Variants in SPTBN1 observed in about 807,000 individuals in gnomAD.
SPTBN1 encodes the protein spectrin beta chain, non-erythrocytic 1.
A neutral mutation model predicts 266.4 loss-of-function variants in SPTBN1; 32 were observed. That is an observed-to-expected ratio of 0.12 (90% CI 0.09 to 0.16). The LOEUF is 0.16. Among genes scored for constraint, SPTBN1 ranks in the 10% least tolerant of loss-of-function variants. The probability of loss-of-function intolerance (pLI) is 1.00; values close to 1 mark genes in which losing one functional copy is unlikely to be tolerated. For missense variants in SPTBN1, 2,296 were observed against 3,067.1 expected (o/e 0.75, Z 5.94); for synonymous variants, 1,336 against 1,162.2 (o/e 1.15, Z -3.04).
In SPTBN1 at chr2:54,499,221, AT is replaced by A. The variant is rs752850723; in HGVS notation, c.-47-27148del. On this transcript the variant is annotated intron_variant, in intron 1 of 35. Coordinates refer to ENST00000356805, the MANE Select transcript of SPTBN1 (RefSeq NM_003128.3). ...GTGGCAATATTAGTAGTTTTTTTGT[AT>A]TTGTTTTAATTTTTTTCTCCTTATT... 2.6e-5 allele frequency among the ~76,000 whole-genome samples: 4 copies of A among 152,156 alleles called. No homozygotes were observed. The South Asian group carries it at 6.2e-4, about 24-fold the overall frequency.
At chr2:54,481,739 G>C (rs1470707611) in intron 1 of SPTBN1, among the ~76,000 whole-genome samples, 2 of 152,136 alleles carry the variant, frequency 1.3e-5, no homozygotes, top group Non-Finnish European at 2.9e-5. Flanking sequence ...TTACTGTTAG[G>C]CGCAGAGAGT....
chr2:54,605,165 C>G (rs373262203), intron 3 of SPTBN1, among the ~76,000 whole-genome samples: 49 of 152,262 alleles, frequency 3.2e-4, no homozygotes, highest in African/African-American at 1.1e-3. Flanking sequence ...GTGTTTAATT[C>G]TCTATTGTTA....
chr2:54,512,568 A>C (rs1047442872), intron 1 of SPTBN1, among the ~76,000 whole-genome samples: 7 of 152,242 alleles, frequency 4.6e-5, no homozygotes, highest in Admixed American at 4.6e-4. Context: ...GTTAAAAGGC[A>C]AATGCTGGTG....
chr2:54,527,307 A>C (rs1670875946), intron 2 of SPTBN1: 1 of 152,262 alleles, frequency 6.6e-6, no homozygotes, highest in Non-Finnish European at 1.5e-5. Context: ...ATGAAATTTC[A>C]GATGAAGTTT....
rs1388952970 is a variant in SPTBN1 at position 54,644,540 on chromosome 2, A to G, written c.4223A>G (p.Tyr1408Cys). ...GLESQIQSDDYGKDLTSVNIL... is the reference protein window; with the variant it reads ...GLESQIQSDDCGKDLTSVNIL... ...GAGAGTCAGATTCAGTCTGATGACTATGGCAAAGACCTGACCAGTGTCAAT... is the reference window on the plus strand; with the variant it reads ...GAGAGTCAGATTCAGTCTGATGACTGTGGCAAAGACCTGACCAGTGTCAAT... Residue 1408 changes from tyrosine (Y) to cysteine (C), a missense_variant, in exon 20 of 36, where the codon TAT becomes TGT. By Grantham distance (194) the Tyr-to-Cys change is radical. Around this residue, in one of 12 missense-constraint regions of SPTBN1, gnomAD observed 386 missense variants for 486.1 expected, o/e 0.79. Transcript: ENST00000356805. 4.3e-6 allele frequency: 7 copies of G among 1,613,724 alleles called. No homozygotes were observed. The highest frequency in any genetic ancestry group is 1.3e-5 in the African/African-American group (1 of 74,938).
intron 1 of SPTBN1, among the ~76,000 whole-genome samples, chr2:54,501,406 G>C (rs1173727175): frequency 6.6e-6 from 1 of 152,140 alleles, no homozygotes; most frequent in Non-Finnish European, 1.5e-5. Flanking sequence ...TTCTTGAATA[G>C]CTGGTCACTT....
chr2:54,555,756 T>G (rs1672829759), intron 2 of SPTBN1, among the ~76,000 whole-genome samples: 1 of 152,212 alleles, frequency 6.6e-6, no homozygotes, highest in Non-Finnish European at 1.5e-5. Flanking sequence ...CAGCACTTGC[T>G]GGTGCTGTTT....
At chr2:54,615,392 T>G (rs576733994) in intron 4 of SPTBN1, among the ~76,000 whole-genome samples, 1 of 152,328 alleles carries the variant, frequency 6.6e-6, no homozygotes, top group Non-Finnish European at 1.5e-5. Context: ...ATTCCACATT[T>G]TACTCTACAA....
intron 2 of SPTBN1, chr2:54,557,661 T>C (rs1672964815): frequency 1.1e-6 from 1 of 944,986 alleles, no homozygotes; most frequent in Non-Finnish European, 1.3e-6. Flanking sequence ...ATCTCGGCGG[T>C]GTTTACCTGT....
intron 34 of SPTBN1, 55 bp from the exon 35 acceptor site, chr2:54,667,549 G>T: frequency 6.4e-7 from 1 of 1,554,314 alleles, no homozygotes; most frequent in Non-Finnish European, 8.9e-7. Context: ...GGAGTTGGGG[G>T]ATTTTTATTT....
Position 54,533,794 on chromosome 2 carries a change from G to A in SPTBN1, c.148+7228G>A, listed in dbSNP as rs953002505. On this transcript the variant is annotated intron_variant, in intron 2 of 35. Coordinates refer to ENST00000356805, the MANE Select transcript of SPTBN1 (RefSeq NM_003128.3). This position sits in a 1 kb window ranked among gnomAD's most constrained non-coding sequence, Gnocchi z 4.2. ...TCGAACTCCTGACCCCAGGTGATCCGCCCGCCTTGGCCTCCCAAAGTGCTG... is the reference window on the plus strand; with the variant it reads ...TCGAACTCCTGACCCCAGGTGATCCACCCGCCTTGGCCTCCCAAAGTGCTG... 6.6e-6 allele frequency among the ~76,000 whole-genome samples: 1 copy of A among 152,066 alleles called. No individual in the cohort carries two copies. Among genetic ancestry groups the A allele is most frequent in the African/African-American group, 2.4e-5 (1 of 41,398 alleles).
chr2:54,580,873 T>C (rs2104570282), intron 2 of SPTBN1, among the ~76,000 whole-genome samples: 1 of 152,186 alleles, frequency 6.6e-6, no homozygotes, highest in East Asian at 1.9e-4. Context: ...TGAGGCGGAC[T>C]GATCACTTGA....
chr2:54,642,919 T>A, intron 18 of SPTBN1, 64 bp from the exon 19 acceptor site: 1 of 1,573,288 alleles, frequency 6.4e-7, no homozygotes, highest in East Asian at 2.3e-5. Context: ...CACAACCCTT[T>A]CCAGGCGGAA....
chr2:54,485,759 C>T (rs1264929489), intron 1 of SPTBN1, among the ~76,000 whole-genome samples: 6 of 151,530 alleles, frequency 4.0e-5, no homozygotes, highest in Admixed American at 1.3e-4. Flanking sequence ...CGCCTCTTCC[C>T]GGCCGCCATC....
intron 1 of SPTBN1, among the ~76,000 whole-genome samples, chr2:54,482,274 G>A (rs1436839943): frequency 6.6e-6 from 1 of 151,974 alleles, no homozygotes; most frequent in Non-Finnish European, 1.5e-5. Context: ...CATTGCTTTG[G>A]GAGGCTGAGG....
chr2:54,488,120 C>T (rs973694413), intron 1 of SPTBN1, among the ~76,000 whole-genome samples: 3 of 152,034 alleles, frequency 2.0e-5, no homozygotes, highest in Non-Finnish European at 4.4e-5. Context: ...TGAGTCACTG[C>T]GCCCGGCCCA....
chr2:54,623,521 T>G lies in SPTBN1; in HGVS notation c.1107T>G (p.Ile369Met). The G allele has an allele frequency of 6.2e-7, 1 of 1,614,204 alleles. No individual in the cohort carries two copies. Among genetic ancestry groups the G allele is most frequent in the South Asian group, 1.1e-5 (1 of 91,082 alleles). Residue 369 changes from isoleucine (I) to methionine (M), a missense_variant, in exon 10 of 36, where the codon ATT becomes ATG. Around this residue, in one of 12 missense-constraint regions of SPTBN1, gnomAD observed 148 missense variants for 203.8 expected, o/e 0.73. Coordinates refer to ENST00000356805, the MANE Select transcript of SPTBN1 (RefSeq NM_003128.3). ...KGNLEVLLFT[I>M]QSKMRANNQK... ...ACTTGGAAGTGCTGCTCTTCACCAT[T>G]CAGAGCAAGATGAGGGCCAACAACC...
At chr2:54,666,925 T>G (rs1248157250) in intron 34 of SPTBN1, among the ~76,000 whole-genome samples, 1 of 152,216 alleles carries the variant, frequency 6.6e-6, no homozygotes, top group Admixed American at 6.5e-5. Flanking sequence ...TTACATTTTG[T>G]AGGACAATGC....
chr2:54,473,546 T>C (rs1694033431), intron 1 of SPTBN1, among the ~76,000 whole-genome samples: 1 of 152,066 alleles, frequency 6.6e-6, no homozygotes, highest in African/African-American at 2.4e-5. Flanking sequence ...ACACACATCC[T>C]TGGATAACTG....
Sources: allele counts gnomAD v4.1 joint callset (sites outside exome capture counted in the v4.1 genomes callset), GRCh38; gene constraint gnomAD v4.1.1; regional missense constraint gnomAD v4.1.1; non-coding constraint Gnocchi (gnomAD v3.1); transcripts MANE v1.5; gene names NCBI Gene and HGNC (gene_info 2026-07-23, HGNC 2026-07-21).